Variants in EIPR1 observed in about 807,000 individuals in gnomAD.
EIPR1 encodes EARP and GARP complex-interacting protein 1.
In EIPR1, 25 loss-of-function variants were observed where a neutral mutation model predicts 48.1. The observed-to-expected ratio is 0.52, with a 90% CI of 0.38 to 0.73. EIPR1 has a LOEUF of 0.73. Ranked by LOEUF, EIPR1 falls within the 30% of genes least tolerant of loss-of-function variation. The probability of loss-of-function intolerance (pLI) is 0.00; values close to 1 mark genes in which losing one functional copy is unlikely to be tolerated. For synonymous variants in EIPR1, 204 were observed against 201.9 expected, an observed-to-expected ratio of 1.01 and a Z score of -0.09; for missense variants, 415 against 506.2, an observed-to-expected ratio of 0.82 and a Z score of 1.73.
intron 3 of EIPR1, among the ~76,000 whole-genome samples, chr2:3,304,197 C>A (rs12467159): frequency 2.0e-5 from 3 of 152,018 alleles, no homozygotes; most frequent in Non-Finnish European, 4.4e-5. Flanking sequence ...CGCAAGGCTG[C>A]AGAGATCCAG....
At position 3,199,065 on chromosome 2, in the gene EIPR1, C is replaced by A. The variant is rs1664913792; in HGVS notation, c.517-2048G>T. On this transcript the variant is annotated intron_variant, in intron 5 of 8. Coordinates refer to ENST00000382125, the MANE Select transcript of EIPR1 (RefSeq NM_003310.5). The stretch of plus-strand genomic sequence containing the variant: ...CCAGAGTGGCCATTTTAGAGGGCCC[C>A]CCCCCCGCCCCGGGAATGCATTCTT... Among the ~76,000 whole-genome samples, 2 of 47,906 alleles carry A rather than the reference C, an allele frequency of 4.2e-5. 1 individual carries two copies. The highest frequency in any genetic ancestry group is 3.0e-4 in the Admixed American group (2 of 6,766). 31.4% of individuals were successfully genotyped at this position (47,906 alleles called of 152,430 possible).
chr2:3,234,689 A>G (rs1476284884), intron 4 of EIPR1, among the ~76,000 whole-genome samples: 1 of 152,268 alleles, frequency 6.6e-6, no homozygotes, highest in Non-Finnish European at 1.5e-5. Flanking sequence ...GACGCTGTTG[A>G]ATTACAAGCG....
At position 3,377,801 on chromosome 2, in the gene EIPR1, A is replaced by C. The variant is rs958167017; in HGVS notation, c.-112T>G. ...CAGCGCCCATTCATTCCCTCCCCGC[A>C]GCAAACGACTCCAAACTGGAAGTCT... On this transcript the variant is annotated 5_prime_UTR_variant, in exon 1 of 9. Coordinates refer to ENST00000382125, the MANE Select transcript of EIPR1 (RefSeq NM_003310.5). The C allele has an allele frequency of 3.2e-6, 4 of 1,244,824 alleles. No individual in the cohort carries two copies. Among genetic ancestry groups the C allele is most frequent in the African/African-American group, 1.5e-5 (1 of 67,060 alleles). 77.1% of individuals were successfully genotyped at this position (1,244,824 alleles called of 1,614,324 possible).
intron 3 of EIPR1, among the ~76,000 whole-genome samples, chr2:3,335,936 G>A (rs889547269): frequency 1.3e-5 from 2 of 152,202 alleles, no homozygotes; most frequent in African/African-American, 4.8e-5. Context: ...TCACAGCAGT[G>A]CGAGAATGGA....
chr2:3,369,612 C>A (rs1038666644), intron 1 of EIPR1, among the ~76,000 whole-genome samples: 1 of 152,198 alleles, frequency 6.6e-6, no homozygotes, highest in East Asian at 1.9e-4. Context: ...GGGTCCTATG[C>A]CCACGGAGTC....
At chr2:3,305,001 C>G (rs1372365164) in intron 3 of EIPR1, among the ~76,000 whole-genome samples, 17 of 120,638 alleles carry the variant, frequency 1.4e-4, no homozygotes, top group Admixed American at 3.2e-4. Flanking sequence ...CCTCCACTCC[C>G]GTCCAGTTCA....
chr2:3,307,525 C>G (rs1215626581), intron 3 of EIPR1, among the ~76,000 whole-genome samples: 1 of 152,206 alleles, frequency 6.6e-6, no homozygotes, highest in Non-Finnish European at 1.5e-5. Context: ...TCTGCAGGAG[C>G]AGCACCAGGC....
At chr2:3,305,432 CTCCCGTCCTGTTCAGCCCTCCAA>C (rs1311246476) in intron 3 of EIPR1, among the ~76,000 whole-genome samples, 2 of 150,360 alleles carry the variant, frequency 1.3e-5, no homozygotes, top group Non-Finnish European at 3.0e-5. Flanking sequence ...CAACCTTCCA[CTCCCGTCCTGTTCAGCCCTCCAA>C]TCCCGTCCAG....
At chr2:3,324,367 C>A (rs1349795953) in intron 3 of EIPR1, among the ~76,000 whole-genome samples, 1 of 152,254 alleles carries the variant, frequency 6.6e-6, no homozygotes, top group Non-Finnish European at 1.5e-5. Flanking sequence ...ACCCACCTGG[C>A]TTTCCCAGCT....
At chr2:3,245,320 C>A (rs1279080816) in intron 4 of EIPR1, among the ~76,000 whole-genome samples, 1 of 152,186 alleles carries the variant, frequency 6.6e-6, no homozygotes, top group Non-Finnish European at 1.5e-5. Flanking sequence ...TCAAGTGATT[C>A]TCCTGCCTCA....
chr2:3,288,383 C>T (rs543963646), intron 3 of EIPR1, among the ~76,000 whole-genome samples: 3 of 152,150 alleles, frequency 2.0e-5, no homozygotes, highest in African/African-American at 7.2e-5. Flanking sequence ...GACCACAGGG[C>T]GAACAAGGAG....
intron 4 of EIPR1, among the ~76,000 whole-genome samples, chr2:3,247,668 T>C (rs1156564904): frequency 3.3e-5 from 5 of 152,192 alleles, no homozygotes; most frequent in Non-Finnish European, 5.9e-5. Flanking sequence ...TTGCTCATTA[T>C]TCACTATCAA....
chr2:3,199,104 A>G (rs980068042), intron 5 of EIPR1, among the ~76,000 whole-genome samples: 47 of 120,076 alleles, frequency 3.9e-4, no homozygotes, highest in South Asian at 9.0e-4. Context: ...CCGGGCTGTT[A>G]ATTATTAATA....
rs1365074195 is a variant in EIPR1, at chr2:3,194,006, A to G, written c.814T>C (p.Ser272Pro). 1 of 1,613,614 alleles carries G rather than the reference A, an allele frequency of 6.2e-7. No homozygotes were observed. The highest frequency in any genetic ancestry group is 1.1e-5 in the South Asian group (1 of 91,074). ...AGCCAGGAGCGGCCCTACCAGTGGG[A>G]GTGCTCCTCCAGGGTCTTCACGGGT... is the stretch of plus-strand genomic sequence containing the variant. ...TEPVKTLEEHSHWVWNVRYNH... is the reference protein window; with the variant it reads ...TEPVKTLEEHPHWVWNVRYNH... Residue 272 changes from serine to proline, a missense_variant, in exon 7 of 9, where the codon TCC (serine) becomes CCC (proline). Transcript: ENST00000382125.
chr2:3,272,830 T>C (rs965993714), intron 3 of EIPR1, among the ~76,000 whole-genome samples: 4 of 152,288 alleles, frequency 2.6e-5, no homozygotes, highest in Middle Eastern at 3.4e-3. Context: ...AACCTTCAAT[T>C]TGCAAAAGAT....
Position 3,342,813 on chromosome 2 carries a change from G to A in EIPR1, c.127-4664C>T, listed in dbSNP as rs1670291355. On this transcript the variant is annotated intron_variant, in intron 2 of 8. Transcript: ENST00000382125. ...GTCTTTAACCTTCATTGCTAAGCCT[G>A]ATGAGTCTTGAGATTTTCCCACATA... 1.3e-5 allele frequency among the ~76,000 whole-genome samples: 2 copies of A among 152,214 alleles called. 1 individual carries two copies. The highest frequency in any genetic ancestry group is 4.1e-4 in the South Asian group (2 of 4,830).
Position 3,282,694 on chromosome 2 carries a change from C to G in EIPR1, c.260-25239G>C, listed in dbSNP as rs552655798. The G allele has an allele frequency of 2.0e-5, 3 of 152,420 alleles. No homozygotes were observed. The East Asian group carries it at 5.8e-4, about 29-fold the overall frequency. 9.4% of individuals were successfully genotyped at this position (152,420 alleles called of 1,614,324 possible). On this transcript the variant is annotated intron_variant, in intron 3 of 8. Transcript: ENST00000382125. ...GCCATTGAAGTGTGCGCTCCCGAGT[C>G]TGCACCAGGCCGGCGCCTGTCGCGG... is the stretch of plus-strand genomic sequence containing the variant.
chr2:3,339,868 T>A (rs562904179), intron 2 of EIPR1, among the ~76,000 whole-genome samples: 12 of 152,304 alleles, frequency 7.9e-5, no homozygotes, highest in Middle Eastern at 3.4e-3. Context: ...GAGAATGGCG[T>A]GAACCCGGGA....
At chr2:3,288,485 G>A (rs1015451716) in intron 3 of EIPR1, among the ~76,000 whole-genome samples, 2 of 152,328 alleles carry the variant, frequency 1.3e-5, no homozygotes, top group Non-Finnish European at 1.5e-5. Context: ...TCTCTGACAG[G>A]TGGCAGAGTA....
Sources: gnomAD v4.1 joint callset for allele counts (sites outside exome capture counted in the v4.1 genomes callset) on GRCh38, gnomAD v4.1.1 for gene constraint, MANE v1.5 for transcripts, NCBI Gene and HGNC (gene_info 2026-07-23, HGNC 2026-07-21) for gene names.